The following PCLO variants were observed in gnomAD, a reference collection of about 807,000 sequenced individuals.
The protein encoded by PCLO is protein piccolo.
PCLO carries 82 observed loss-of-function variants against 427.5 expected under a neutral mutation model. The ratio of observed to expected loss-of-function variants is 0.19; its 90% CI spans 0.16 to 0.23. The LOEUF (loss-of-function observed/expected upper bound fraction) is 0.23. Ranked by LOEUF, PCLO falls within the 10% of genes least tolerant of loss-of-function variation. The pLI is 1.00. For missense variants in PCLO, 6,239 were observed against 6,115.9 expected (o/e 1.02, Z -0.67); for synonymous variants, 2,357 against 2,155.4 (o/e 1.09, Z -2.59).
chr7:82,941,767 C>G (rs1199833315), intron 6 of PCLO, among the ~76,000 whole-genome samples: 1 of 152,156 alleles, frequency 6.6e-6, no homozygotes, highest in Non-Finnish European at 1.5e-5. Context: ...ATACCCCAAA[C>G]TTTTCCAAAT....
chr7:82,926,946 G>A (rs190455154), intron 6 of PCLO, among the ~76,000 whole-genome samples: 2 of 152,008 alleles, frequency 1.3e-5, no homozygotes, highest in Admixed American at 1.3e-4. Context: ...GAAATCAGAC[G>A]GCTATACTAC....
At chr7:82,987,773 A>T (rs1024142151) in intron 3 of PCLO, among the ~76,000 whole-genome samples, 2 of 152,138 alleles carry the variant, frequency 1.3e-5, no homozygotes, top group Admixed American at 6.6e-5. Context: ...CTTAAATATG[A>T]AATTAAAAGT....
intron 3 of PCLO, among the ~76,000 whole-genome samples, chr7:83,038,032 T>A (rs1218032870): frequency 2.8e-5 from 1 of 35,922 alleles, no homozygotes; most frequent in Non-Finnish European, 4.3e-5. Flanking sequence ...TATATATATT[T>A]ATATATTTAT....
intron 3 of PCLO, among the ~76,000 whole-genome samples, chr7:83,012,611 C>CTT (rs1788108508): frequency 9.3e-6 from 1 of 107,564 alleles, no homozygotes. Flanking sequence ...AAGTGAAACT[C>CTT]TGTCTCAAGG....
chr7:82,768,198 G>A (rs996504526), intron 22 of PCLO, among the ~76,000 whole-genome samples: 6 of 152,154 alleles, frequency 3.9e-5, no homozygotes, highest in Admixed American at 2.6e-4. Flanking sequence ...ACAACTGGAT[G>A]GATCATTTGA....
At chr7:83,057,484 C>A (rs1474059791) in intron 3 of PCLO, among the ~76,000 whole-genome samples, 1 of 147,814 alleles carries the variant, frequency 6.8e-6, no homozygotes, top group Admixed American at 6.8e-5. Context: ...GCCTCAGCCT[C>A]CCAAGTAGCT....
chr7:82,865,751 T>C (rs1793076835), intron 10 of PCLO, among the ~76,000 whole-genome samples: 2 of 152,142 alleles, frequency 1.3e-5, no homozygotes, highest in African/African-American at 4.8e-5. Context: ...AATACACATA[T>C]TGTGTTGATA....
Position 82,758,600 on chromosome 7 carries a change from A to G in PCLO, c.15404T>C (p.Leu5135Ser). ...RKRIVNWHKL[L>S]VSPTQTH is the part of the protein sequence containing the mutation. ...TCAATGCGTTTGAGTAGGACTGACC[A>G]AAAGTTTGTGCCAGTTGACTATTCT... is the stretch of plus-strand genomic sequence containing the variant. The change falls in exon 25 of 25, where the codon TTG becomes TCG. Residue 5135 changes from leucine to serine, a missense_variant. By Grantham distance (145) the Leu-to-Ser change is moderately radical (BLOSUM62 -2). Around this residue, in one of 5 missense-constraint regions of PCLO, gnomAD observed 877 missense variants for 925.5 expected, o/e 0.95. Coordinates refer to ENST00000333891, the MANE Select transcript of PCLO (RefSeq NM_033026.6). The G allele has an allele frequency of 1.2e-6, 2 of 1,611,760 alleles. No homozygotes were observed. Among genetic ancestry groups the G allele is most frequent in the Non-Finnish European group, 1.7e-6 (2 of 1,178,430 alleles).
intron 3 of PCLO, among the ~76,000 whole-genome samples, chr7:83,098,800 T>C (rs987542717): frequency 1.3e-5 from 2 of 152,118 alleles, no homozygotes; most frequent in African/African-American, 4.8e-5. Flanking sequence ...TGTTGCTGAC[T>C]TGGTGTTATA....
At position 82,916,107 on chromosome 7, in the gene PCLO, T is replaced by C. The variant is rs76770130; in HGVS notation, c.11879A>G (p.Gln3960Arg). ...YQLPSQMMVI[Q>R]QKPRQTTLYL... Reference sequence around the variant, plus strand: ...TAATGTAGTTTGCCGTGGCTTCTGTTGTATCACCATCATCTGTGAAGGTAA... The same window carrying C: ...TAATGTAGTTTGCCGTGGCTTCTGTCGTATCACCATCATCTGTGAAGGTAA... Residue 3960 changes from glutamine (Q) to arginine (R), a missense_variant, in exon 7 of 25, where the codon CAA becomes CGA. Physicochemically the swap from Gln to Arg is conservative, Grantham distance 43. Around this residue, in one of 5 missense-constraint regions of PCLO, gnomAD observed 680 missense variants for 677.3 expected, o/e 1.00. Coordinates refer to ENST00000333891, the MANE Select transcript of PCLO (RefSeq NM_033026.6). The C allele has an allele frequency of 6.2e-7, 1 of 1,613,680 alleles. No individual in the cohort carries two copies. Among genetic ancestry groups the C allele is most frequent in the East Asian group, 2.2e-5 (1 of 44,860 alleles).
intron 8 of PCLO, among the ~76,000 whole-genome samples, chr7:82,907,539 T>A (rs982526644): frequency 5.9e-5 from 9 of 152,024 alleles, no homozygotes; most frequent in Non-Finnish European, 1.3e-4. Context: ...GCCAGATCTA[T>A]TTGATGAGAG....
chr7:83,134,918 G>A lies in PCLO; in HGVS notation c.2632C>T (p.Pro878Ser), dbSNP rs917979280. 3 of 1,604,060 alleles carry A rather than the reference G, an allele frequency of 1.9e-6. No individual in the cohort carries two copies. The highest frequency in any genetic ancestry group is 1.3e-5 in the African/African-American group (1 of 74,624). ...AKPMPKGSPT[P>S]PGPRPTAGQT... is the part of the protein sequence containing the mutation. ...CCAGCGGTAGGTCGTGGGCCAGGGG[G>A]TGTTGGTGACCCTTTTGGCATTGGC... Residue 878 changes from proline to serine, a missense_variant, in exon 3 of 25, where the codon CCC (proline) becomes TCC (serine). Pro to Ser is a moderately conservative substitution (Grantham distance 74, BLOSUM62 -1). Coordinates refer to ENST00000333891, the MANE Select transcript of PCLO (RefSeq NM_033026.6).
intron 22 of PCLO, among the ~76,000 whole-genome samples, chr7:82,761,918 T>C (rs1790439717): frequency 6.6e-6 from 1 of 152,068 alleles, no homozygotes; most frequent in Admixed American, 6.6e-5. Context: ...ACAAAAGAAG[T>C]AATAGATATG....
At chr7:82,961,748 A>G (rs1162671762) in intron 4 of PCLO, among the ~76,000 whole-genome samples, 1 of 152,214 alleles carries the variant, frequency 6.6e-6, no homozygotes, top group Non-Finnish European at 1.5e-5. Context: ...GCAACCAACT[A>G]TAAAGAGAAG....
intron 3 of PCLO, among the ~76,000 whole-genome samples, chr7:83,008,923 G>A (rs1788011704): frequency 1.3e-5 from 2 of 151,154 alleles, no homozygotes; most frequent in South Asian, 2.1e-4. Flanking sequence ...AAGCTAAAGC[G>A]ATGGAAAAAA....
Position 82,955,416 on chromosome 7 carries a change from G to C in PCLO, c.5537C>G (p.Ala1846Gly). ...AGATCTATGGAGCTCCTCCATTTCT[G>C]CAGCCTGACGTAACTCTTCTGTCGG... is the stretch of plus-strand genomic sequence containing the variant. Reference protein sequence around the residue: ...ASPTEELRQAAEMEELHRSSC... With the variant: ...ASPTEELRQAGEMEELHRSSC... The change falls in exon 5 of 25, where the codon GCA becomes GGA. Residue 1846 changes from alanine (A) to glycine (G), a missense_variant. Coordinates refer to ENST00000333891, the MANE Select transcript of PCLO (RefSeq NM_033026.6). 6.2e-7 allele frequency: 1 copy of C among 1,613,842 alleles called. No individual in the cohort carries two copies. The highest frequency in any genetic ancestry group is 2.2e-5 in the East Asian group (1 of 44,866).
chr7:83,154,962 T>G lies in PCLO; in HGVS notation c.1679A>C (p.Gln560Pro). ...CTGCAGAGGTTTTCCAGATCCTGTT[T>G]GGCTTACTGGTTTTGTAGATTGCTG... ...SAQQSTKPVSQTGSGKPLQPP... is the reference protein window; with the variant it reads ...SAQQSTKPVSPTGSGKPLQPP... Residue 560 changes from glutamine (Q) to proline (P), a missense_variant, in exon 2 of 25, where the codon CAA (glutamine) becomes CCA (proline). Around this residue, in one of 5 missense-constraint regions of PCLO, gnomAD observed 4,677 missense variants for 4,468.4 expected, o/e 1.05. Transcript: ENST00000333891. 6.2e-7 allele frequency: 1 copy of G among 1,614,012 alleles called. No homozygotes were observed. Among genetic ancestry groups the G allele is most frequent in the East Asian group, 2.2e-5 (1 of 44,876 alleles).
chr7:82,864,389 A>G (rs764230595), intron 10 of PCLO, among the ~76,000 whole-genome samples: 1 of 152,092 alleles, frequency 6.6e-6, no homozygotes, highest in Non-Finnish European at 1.5e-5. Context: ...TGGATCTGGG[A>G]TCAGAGTGGG....
intron 3 of PCLO, among the ~76,000 whole-genome samples, chr7:82,987,274 G>A (rs1353901509): frequency 5.9e-5 from 9 of 151,840 alleles, no homozygotes. Context: ...TTGATTTTTA[G>A]AAAAAAATCC....
Sources: allele counts gnomAD v4.1 joint callset (sites outside exome capture counted in the v4.1 genomes callset), GRCh38; gene constraint gnomAD v4.1.1; regional missense constraint gnomAD v4.1.1; transcripts MANE v1.5; gene names NCBI Gene and HGNC (gene_info 2026-07-23, HGNC 2026-07-21).